PEAK1: variants seen among roughly 807,000 people sequenced by gnomAD.
The protein encoded by PEAK1 is pseudopodium enriched atypical kinase 1, also known as inactive tyrosine-protein kinase PEAK1.
In PEAK1, 54 loss-of-function variants were observed where a neutral mutation model predicts 124.7. The ratio of observed to expected loss-of-function variants is 0.43; its 90% CI spans 0.35 to 0.54. PEAK1 has a LOEUF of 0.54. PEAK1 is among the 20% of genes least tolerant of loss of function. PEAK1 has a pLI of 0.01. For synonymous variants in PEAK1, 719 were observed against 760.0 expected (o/e 0.95, Z 0.89); for missense variants, 2,046 against 2,134.5 (o/e 0.96, Z 0.82).
intron 6 of PEAK1, among the ~76,000 whole-genome samples, chr15:77,207,915 T>C (rs73459088): frequency 6.6e-6 from 1 of 152,268 alleles, no homozygotes; most frequent in African/African-American, 2.4e-5. Flanking sequence ...CTTTCAAGAC[T>C]CTCACAGTGC....
chr15:77,163,528 T>C (rs2055842971), intron 7 of PEAK1, among the ~76,000 whole-genome samples: 2 of 152,232 alleles, frequency 1.3e-5, no homozygotes, highest in South Asian at 4.1e-4. Context: ...ATCCTTTTTT[T>C]GTTTCTCTGG....
chr15:77,270,474 T>C (rs1034938666), intron 5 of PEAK1, among the ~76,000 whole-genome samples: 2 of 152,198 alleles, frequency 1.3e-5, no homozygotes, highest in South Asian at 2.1e-4. Flanking sequence ...AGCATTCTTA[T>C]ACACCAATAA....
At chr15:77,271,101 C>T (rs191166709) in intron 5 of PEAK1, among the ~76,000 whole-genome samples, 1 of 152,152 alleles carries the variant, frequency 6.6e-6, no homozygotes, top group Admixed American at 6.6e-5. Context: ...ACAAACAACC[C>T]CATCAAAAAG....
At chr15:77,377,020 G>T (rs1489696436) in intron 1 of PEAK1, among the ~76,000 whole-genome samples, 1 of 152,118 alleles carries the variant, frequency 6.6e-6, no homozygotes, top group Non-Finnish European at 1.5e-5. Flanking sequence ...ATGGCTCCTA[G>T]ACTACAAACC....
intron 6 of PEAK1, among the ~76,000 whole-genome samples, chr15:77,189,443 C>A (rs2057720526): frequency 6.6e-6 from 1 of 151,804 alleles, no homozygotes; most frequent in South Asian, 2.1e-4. Context: ...GTCCACACAG[C>A]AGCAGCAGCA....
chr15:77,341,632 G>A (rs1336532847), intron 2 of PEAK1, among the ~76,000 whole-genome samples: 3 of 152,180 alleles, frequency 2.0e-5, no homozygotes, highest in Non-Finnish European at 4.4e-5. Context: ...ACCAGGTCAG[G>A]CTGGCCTAAA....
intron 2 of PEAK1, among the ~76,000 whole-genome samples, chr15:77,318,572 T>C (rs1023020426): frequency 2.0e-5 from 3 of 152,080 alleles, no homozygotes; most frequent in African/African-American, 7.2e-5. Flanking sequence ...ACTGGAGGTA[T>C]GTGAACAGAG....
Position 77,108,606 on chromosome 15 carries a change from A to G in PEAK1, c.*5550T>C, listed in dbSNP as rs2050809826. The G allele has an allele frequency of 6.6e-6, 1 of 152,230 alleles. No individual in the cohort carries two copies. Among genetic ancestry groups the G allele is most frequent in the African/African-American group, 2.4e-5 (1 of 41,460 alleles). 9.4% of individuals were successfully genotyped at this position (152,230 alleles called of 1,614,324 possible). On this transcript the variant is annotated 3_prime_UTR_variant, in exon 10 of 10. Transcript: ENST00000682557. ...AACAGTGTGGTTTAACCTTTCAAAA[A>G]TGAACCCTATGTCTGGTTCAACATT...
chr15:77,350,992 T>A, intron 2 of PEAK1: 1 of 960,766 alleles, frequency 1.0e-6, no homozygotes. Context: ...AGCACTATTG[T>A]GTACTAGGCA....
intron 5 of PEAK1, among the ~76,000 whole-genome samples, chr15:77,271,860 A>T (rs989502444): frequency 1.3e-5 from 2 of 152,130 alleles, no homozygotes; most frequent in African/African-American, 4.8e-5. Flanking sequence ...CAGCACACCA[A>T]CACGGCACAT....
intron 5 of PEAK1, among the ~76,000 whole-genome samples, chr15:77,264,767 A>G (rs2061627176): frequency 6.6e-6 from 1 of 152,276 alleles, no homozygotes; most frequent in South Asian, 2.1e-4. Flanking sequence ...TAAAGTTCAT[A>G]TGAAACCAAA....
intron 2 of PEAK1, among the ~76,000 whole-genome samples, chr15:77,297,794 C>T (rs1359281674): frequency 5.4e-5 from 8 of 147,858 alleles, no homozygotes; most frequent in Admixed American, 4.7e-4. Flanking sequence ...TGCGGTGGCT[C>T]ACGCCTGTAA....
chr15:77,365,683 T>C (rs2068176919), intron 1 of PEAK1, among the ~76,000 whole-genome samples: 1 of 141,768 alleles, frequency 7.1e-6, no homozygotes, highest in Non-Finnish European at 1.5e-5. Context: ...GAGGTTGCAG[T>C]GAGCCAAGGT....
chr15:77,331,111 T>C lies in PEAK1; in HGVS notation c.-603+34052A>G, dbSNP rs200067148. ...TAGTACATTGAATCAATTTTCTATTTTATTATGTTTAAAATTTTTACTTAT... is the reference window on the plus strand; with the variant it reads ...TAGTACATTGAATCAATTTTCTATTCTATTATGTTTAAAATTTTTACTTAT... On this transcript the variant is annotated intron_variant, in intron 2 of 9. Transcript: ENST00000682557. 360 of 633,026 alleles carry C rather than the reference T, an allele frequency of 5.7e-4. 3 individuals are homozygous for C. Among genetic ancestry groups the C allele is most frequent in the East Asian group, 3.3e-3 (24 of 7,246 alleles). 39.2% of individuals were successfully genotyped at this position (633,026 alleles called of 1,614,324 possible).
intron 1 of PEAK1, among the ~76,000 whole-genome samples, chr15:77,392,006 C>T (rs1047247428): frequency 3.9e-5 from 6 of 152,140 alleles, no homozygotes; most frequent in Non-Finnish European, 1.5e-5. Context: ...GTCAAATTAA[C>T]ACCAAAGTGC....
At chr15:77,270,618 G>A (rs147599426) in intron 5 of PEAK1, among the ~76,000 whole-genome samples, 2 of 152,216 alleles carry the variant, frequency 1.3e-5, no homozygotes, top group East Asian at 1.9e-4. Flanking sequence ...ACTGCTCAAC[G>A]GCTAAGCTCA....
At chr15:77,316,906 T>C (rs761926626) in intron 2 of PEAK1, among the ~76,000 whole-genome samples, 2 of 151,922 alleles carry the variant, frequency 1.3e-5, no homozygotes, top group African/African-American at 4.8e-5. Flanking sequence ...GGCAAAACCC[T>C]GTCTCTACTA....
At chr15:77,136,101 G>A (rs2053299642) in intron 8 of PEAK1, among the ~76,000 whole-genome samples, 1 of 152,200 alleles carries the variant, frequency 6.6e-6, no homozygotes, top group Non-Finnish European at 1.5e-5. Flanking sequence ...CAAAAGTGCT[G>A]ATAGTGATAT....
intron 6 of PEAK1, among the ~76,000 whole-genome samples, chr15:77,248,139 C>T (rs574080489): frequency 6.6e-6 from 1 of 152,020 alleles, no homozygotes; most frequent in African/African-American, 2.4e-5. Context: ...TCAAGTGATC[C>T]TCTCACTTTG....
Sources: allele counts gnomAD v4.1 joint callset (sites outside exome capture counted in the v4.1 genomes callset), GRCh38; gene constraint gnomAD v4.1.1; transcripts MANE v1.5; gene names NCBI Gene and HGNC (gene_info 2026-07-23, HGNC 2026-07-21).